CCSER1: variants seen among roughly 807,000 people sequenced by gnomAD.
CCSER1 encodes serine-rich coiled-coil domain-containing protein 1.
A neutral mutation model predicts 82.0 loss-of-function variants in CCSER1; 41 were observed. The ratio of observed to expected loss-of-function variants is 0.50; its 90% CI spans 0.39 to 0.65. CCSER1 has a LOEUF of 0.65. Ranked by LOEUF, CCSER1 falls within the 30% of genes least tolerant of loss-of-function variation. The probability of loss-of-function intolerance (pLI) is 0.00; values close to 1 mark genes in which losing one functional copy is unlikely to be tolerated. For missense variants in CCSER1, 1,119 were observed against 1,064.2 expected, an observed-to-expected ratio of 1.05 and a Z score of -0.72; for synonymous variants, 414 against 383.9, an observed-to-expected ratio of 1.08 and a Z score of -0.92.
intron 10 of CCSER1, among the ~76,000 whole-genome samples, chr4:91,301,172 G>A (rs1204017232): frequency 6.6e-6 from 1 of 151,876 alleles, no homozygotes; most frequent in Admixed American, 6.6e-5. Flanking sequence ...GTTATGCAGA[G>A]TATGGGAGAA....
chr4:90,306,433 G>A (rs190927027), intron 1 of CCSER1, among the ~76,000 whole-genome samples: 36 of 151,868 alleles, frequency 2.4e-4, no homozygotes, highest in South Asian at 4.2e-4. Flanking sequence ...AAAACATCAC[G>A]TTATACCTCA....
At chr4:91,257,858 T>A (rs1740819302) in intron 10 of CCSER1, among the ~76,000 whole-genome samples, 1 of 152,080 alleles carries the variant, frequency 6.6e-6, no homozygotes, top group Non-Finnish European at 1.5e-5. Context: ...AATGTTAACA[T>A]TAAGATGGAA....
rs533287484 is a variant in CCSER1 at position 90,913,033 on chromosome 4, G to C, written c.2095-10337G>C. Among the ~76,000 whole-genome samples, 10 of 152,304 alleles carry C rather than the reference G, an allele frequency of 6.6e-5. No homozygotes were observed. The East Asian group carries it at 1.9e-3, about 29-fold the overall frequency. ...CTGATTGGTGTACCTGAAAGTGACG[G>C]GGAGAATGGAACCAAGTTGGAAAAC... is the stretch of plus-strand genomic sequence containing the variant. On this transcript the variant is annotated intron_variant, in intron 8 of 10. Transcript: ENST00000509176.
intron 4 of CCSER1, among the ~76,000 whole-genome samples, chr4:90,460,550 C>T (rs953712293): frequency 1.3e-5 from 2 of 151,862 alleles, no homozygotes; most frequent in Non-Finnish European, 2.9e-5. Context: ...GTCTGAGTTT[C>T]CAGGGTATAG....
intron 10 of CCSER1, among the ~76,000 whole-genome samples, chr4:91,443,114 C>T (rs1249029493): frequency 2.0e-5 from 3 of 151,954 alleles, no homozygotes; most frequent in Non-Finnish European, 4.4e-5. Context: ...CCAGCCATCC[C>T]ATTACTGGGT....
intron 10 of CCSER1, among the ~76,000 whole-genome samples, chr4:91,180,100 C>T (rs1733851789): frequency 6.6e-6 from 1 of 152,206 alleles, no homozygotes; most frequent in Non-Finnish European, 1.5e-5. Context: ...GCCTGGGTAT[C>T]ACCAGTGGAG....
chr4:90,349,582 A>G (rs546841938), intron 3 of CCSER1, among the ~76,000 whole-genome samples: 1 of 151,888 alleles, frequency 6.6e-6, no homozygotes, highest in South Asian at 2.1e-4. Flanking sequence ...TTCCTCTGTA[A>G]TCTTCCATCC....
At chr4:90,459,953 T>C (rs1249027381) in intron 4 of CCSER1, among the ~76,000 whole-genome samples, 1 of 152,172 alleles carries the variant, frequency 6.6e-6, no homozygotes, top group Non-Finnish European at 1.5e-5. Context: ...ACTTTTGCTA[T>C]TTTTCTCTAT....
chr4:90,818,601 A>G (rs1435470789), intron 8 of CCSER1, among the ~76,000 whole-genome samples: 1 of 152,172 alleles, frequency 6.6e-6, no homozygotes, highest in South Asian at 2.1e-4. Flanking sequence ...AGTCATTTAA[A>G]TGCAAGTGTT....
At chr4:90,909,654 G>A (rs1164603521) in intron 8 of CCSER1, among the ~76,000 whole-genome samples, 1 of 152,122 alleles carries the variant, frequency 6.6e-6, no homozygotes, top group Non-Finnish European at 1.5e-5. Context: ...AGCTTCTAAA[G>A]GATCTAACTC....
At chr4:91,020,822 TTC>T (rs1442375601) in intron 9 of CCSER1, among the ~76,000 whole-genome samples, 1 of 152,212 alleles carries the variant, frequency 6.6e-6, no homozygotes, top group African/African-American at 2.4e-5. Context: ...TACTTCTGTT[TTC>T]TCTGTTTTGT....
chr4:90,311,894 G>T (rs1344475535), intron 2 of CCSER1, among the ~76,000 whole-genome samples: 1 of 152,102 alleles, frequency 6.6e-6, no homozygotes, highest in Non-Finnish European at 1.5e-5. Flanking sequence ...AGGCACTAGG[G>T]ATGTAGCAAT....
chr4:90,906,299 T>G (rs1364580365), intron 8 of CCSER1, among the ~76,000 whole-genome samples: 1 of 152,206 alleles, frequency 6.6e-6, no homozygotes, highest in Non-Finnish European at 1.5e-5. Flanking sequence ...TTCTTGAGTT[T>G]GTCAGTGAAG....
intron 9 of CCSER1, among the ~76,000 whole-genome samples, chr4:90,949,816 A>G (rs1461402246): frequency 6.6e-6 from 1 of 152,104 alleles, no homozygotes; most frequent in Non-Finnish European, 1.5e-5. Flanking sequence ...TGATGAACAT[A>G]TAGAGCATTT....
intron 10 of CCSER1, among the ~76,000 whole-genome samples, chr4:91,333,136 A>G (rs533281491): frequency 7.4e-5 from 11 of 149,028 alleles, no homozygotes; most frequent in Admixed American, 3.3e-4. Context: ...TATTGTTATG[A>G]GAGGAATTGT....
intron 1 of CCSER1, among the ~76,000 whole-genome samples, chr4:90,187,922 CA>C (rs928937954): frequency 3.3e-5 from 5 of 151,702 alleles, no homozygotes; most frequent in African/African-American, 1.2e-4. Flanking sequence ...TCATCAACAA[CA>C]AAAAAACAGT....
In CCSER1 at chr4:91,034,518, T is replaced by C. The variant is rs1741263374; in HGVS notation, c.2173-51432T>C. On this transcript the variant is annotated intron_variant, in intron 9 of 10. Transcript: ENST00000509176. ...CCACTTTACACATCCTTAATTATAT[T>C]TAAAAATAACTAAAAATTTCATACA... is the stretch of plus-strand genomic sequence containing the variant. Among the ~76,000 whole-genome samples, 3 of 146,590 alleles carry C rather than the reference T, an allele frequency of 2.0e-5. No homozygotes were observed. In the South Asian group the frequency reaches 6.6e-4, roughly 32 times the overall value.
At chr4:90,378,662 A>G (rs1428907567) in intron 3 of CCSER1, among the ~76,000 whole-genome samples, 1 of 152,210 alleles carries the variant, frequency 6.6e-6, no homozygotes, top group Admixed American at 6.5e-5. Context: ...AAGACAATGT[A>G]TTTGATTTTG....
At chr4:91,047,506 A>G (rs1742613507) in intron 9 of CCSER1, among the ~76,000 whole-genome samples, 1 of 152,014 alleles carries the variant, frequency 6.6e-6, no homozygotes, top group African/African-American at 2.4e-5. Context: ...CAAATTACCT[A>G]TTTTCCCTCC....
Sources: gnomAD v4.1 joint callset for allele counts (sites outside exome capture counted in the v4.1 genomes callset) on GRCh38, gnomAD v4.1.1 for gene constraint, MANE v1.5 for transcripts, NCBI Gene and HGNC (gene_info 2026-07-23, HGNC 2026-07-21) for gene names.